The following AHRR variants were observed in gnomAD, a reference collection of about 807,000 sequenced individuals.
AHRR encodes aryl hydrocarbon receptor repressor, also known as ahR repressor.
A neutral mutation model predicts 44.0 loss-of-function variants in AHRR; 28 were observed. The ratio of observed to expected loss-of-function variants is 0.64; its 90% CI spans 0.47 to 0.87. The LOEUF (loss-of-function observed/expected upper bound fraction) is 0.87. Ranked by LOEUF, AHRR falls within the 40% of genes least tolerant of loss-of-function variation. The pLI, the probability that AHRR is intolerant of heterozygous loss-of-function variation, is 0.00. For missense variants in AHRR, 990 were observed against 953.9 expected (o/e 1.04, Z -0.50); for synonymous variants, 434 against 407.0 (o/e 1.07, Z -0.80).
chr5:393,199 G>A (rs949738858), intron 4 of AHRR, among the ~76,000 whole-genome samples: 1 of 152,198 alleles, frequency 6.6e-6, no homozygotes, highest in Non-Finnish European at 1.5e-5. Flanking sequence ...CTGCGGTGAT[G>A]TTCCCCCAGC....
chr5:397,374 G>A (rs1477339338), intron 4 of AHRR, among the ~76,000 whole-genome samples: 73 of 115,312 alleles, frequency 6.3e-4, no homozygotes, highest in African/African-American at 1.8e-3. Flanking sequence ...GACCATCCAC[G>A]TAGCCCCTGA....
In AHRR at chr5:432,852, T is replaced by A; in HGVS notation, c.1017T>A (p.Thr339=). 1 of 1,613,746 alleles carries A rather than the reference T, an allele frequency of 6.2e-7. No homozygotes were observed. The highest frequency in any genetic ancestry group is 8.5e-7 in the Non-Finnish European group (1 of 1,180,004). The change falls in exon 10 of 11, where the codon ACT becomes ACA. Residue 339 remains threonine (T), a synonymous_variant. Transcript: ENST00000684583. ...GCGTTTTGGTGCTCAGGGAACAGACTGACGCTGGCCGATGGGCACAGGTTC... is the reference window on the plus strand; with the variant it reads ...GCGTTTTGGTGCTCAGGGAACAGACAGACGCTGGCCGATGGGCACAGGTTC... ...ESGVLVLREQ[T]DAGRWAQVPA... is the part of the protein sequence containing the mutation.
Position 434,301 on chromosome 5 carries a change from G to A in AHRR, c.1561G>A (p.Asp521Asn), listed in dbSNP as rs1336908477. The part of the protein sequence containing the change: ...KLQGVPMPPG[D>N]LCGPTLLLDV... ...GCAAGGTGTACCGATGCCTCCGGGG[G>A]ACCTGTGTGGTCCGACGCTGCTGCT... The change falls in exon 11 of 11, where the codon GAC becomes AAC. Residue 521 changes from aspartate (D) to asparagine (N), a missense_variant. Transcript: ENST00000684583. 1.2e-6 allele frequency: 2 copies of A among 1,609,956 alleles called. No homozygotes were observed. Among genetic ancestry groups the A allele is most frequent in the South Asian group, 1.1e-5 (1 of 90,534 alleles).
At chr5:365,263 T>C (rs1242301295) in intron 3 of AHRR, among the ~76,000 whole-genome samples, 1 of 152,140 alleles carries the variant, frequency 6.6e-6, no homozygotes, top group Non-Finnish European at 1.5e-5. Flanking sequence ...ATAAAGCAAG[T>C]CTCAGTAAAT....
At chr5:398,342 A>G (rs1052254274) in intron 4 of AHRR, among the ~76,000 whole-genome samples, 1 of 150,954 alleles carries the variant, frequency 6.6e-6, no homozygotes, top group South Asian at 2.1e-4. Context: ...GTTAGCCCCA[A>G]CCGTACACCT....
rs1360607649 is a variant in AHRR at position 423,826 on chromosome 5, C to G, written c.572-15C>G. On this transcript the variant is annotated splice_polypyrimidine_tract_variant and intron_variant, in intron 6 of 10. Transcript: ENST00000684583. ...TTCTCCCACCGCCACGCCCCTTGGC[C>G]CCTATGGTCTGCAGGAGATGATGCT... 3 of 1,591,038 alleles carry G rather than the reference C, an allele frequency of 1.9e-6. No homozygotes were observed. Among genetic ancestry groups the G allele is most frequent in the Non-Finnish European group, 2.6e-6 (3 of 1,171,316 alleles).
Position 434,966 on chromosome 5 carries a change from C to G in AHRR, c.*132C>G. On this transcript the variant is annotated 3_prime_UTR_variant, in exon 11 of 11. Coordinates refer to ENST00000684583, the MANE Select transcript of AHRR (RefSeq NM_001377236.1). ...CTTTGCAGAGCTGTGCATGCGCAGT[C>G]TGCTAGTGTGTGTGTGCAGCATACG... 7.8e-7 allele frequency: 1 copy of G among 1,278,438 alleles called. No homozygotes were observed. The highest frequency in any genetic ancestry group is 1.0e-6 in the Non-Finnish European group (1 of 953,312). 79.2% of individuals were successfully genotyped at this position (1,278,438 alleles called of 1,614,324 possible). A position where few individuals can be genotyped will look rare whatever the true frequency, so the allele number is the denominator to read the frequency against.
At chr5:392,291 C>T (rs1157103681) in intron 4 of AHRR, among the ~76,000 whole-genome samples, 3 of 82,952 alleles carry the variant, frequency 3.6e-5, no homozygotes, top group South Asian at 4.9e-4. Flanking sequence ...GCGAGGAGGG[C>T]GCAGGGCGAG....
At chr5:352,810 C>CAGCCGTAGGGGACGGTCACTG (rs1742903266) in intron 2 of AHRR, among the ~76,000 whole-genome samples, 1 of 143,752 alleles carries the variant, frequency 7.0e-6, no homozygotes, top group Non-Finnish European at 1.5e-5. Flanking sequence ...GATGGTCACT[C>CAGCCGTAGGGGACGGTCACTG]TGAGGTTAAA....
At chr5:385,182 T>C (rs1190855652) in intron 4 of AHRR, among the ~76,000 whole-genome samples, 1 of 152,012 alleles carries the variant, frequency 6.6e-6, no homozygotes, top group East Asian at 1.9e-4. Flanking sequence ...TATCGTTTTT[T>C]TTTTTCTTTT....
rs1459638285 is a variant in AHRR, at chr5:342,902, C to G, written c.-10-991C>G. Among the ~76,000 whole-genome samples the G allele has an allele frequency of 2.6e-5, 4 of 152,216 alleles. No individual in the cohort carries two copies. The highest frequency in any genetic ancestry group is 2.6e-4 in the Admixed American group (4 of 15,284). ...GGGAGGCACATGCCTGTGTCCAGCA[C>G]TGTTGGTGGCAGCTGGTGGGTGTAG... On this transcript the variant is annotated intron_variant, in intron 1 of 10. Coordinates refer to ENST00000684583, the MANE Select transcript of AHRR (RefSeq NM_001377236.1). The surrounding 1 kb of genome is among the most constrained non-coding windows in gnomAD (Gnocchi z 4.3).
chr5:362,057 T>C (rs912517091), intron 3 of AHRR, among the ~76,000 whole-genome samples: 8 of 152,230 alleles, frequency 5.3e-5, no homozygotes, highest in Non-Finnish European at 8.8e-5. Context: ...TGGCTGTATT[T>C]GGAGAAGGGG....
At chr5:401,747 A>G (rs1735023277) in intron 4 of AHRR, among the ~76,000 whole-genome samples, 1 of 152,214 alleles carries the variant, frequency 6.6e-6, no homozygotes, top group African/African-American at 2.4e-5. Context: ...GGGATTGCAG[A>G]GAAGAGCAAA....
chr5:362,945 G>A (rs1186225484), intron 3 of AHRR, among the ~76,000 whole-genome samples: 1 of 152,236 alleles, frequency 6.6e-6, no homozygotes, highest in African/African-American at 2.4e-5. Flanking sequence ...TCTGTGCCTG[G>A]AAGAAACTGG....
intron 7 of AHRR, chr5:427,507 C>A: frequency 2.7e-6 from 3 of 1,128,434 alleles, no homozygotes; most frequent in Admixed American, 2.0e-5. Flanking sequence ...GCCACCTGCG[C>A]ATGGGGTGGC....
intron 4 of AHRR, among the ~76,000 whole-genome samples, chr5:379,625 C>T (rs558705447): frequency 2.0e-5 from 3 of 152,236 alleles, no homozygotes; most frequent in Non-Finnish European, 2.9e-5. Context: ...TATTTGCATC[C>T]GTGTGTCATC....
At position 437,307 on chromosome 5, in the gene AHRR, CT is replaced by C. The variant is rs1382930217; in HGVS notation, c.*2474del. ...ACGTCCTGTGTCCTGGAGCTTAGCC[CT>C]CAGCAGCTCCCTTCAGCCTGGGCGC... On this transcript the variant is annotated 3_prime_UTR_variant, in exon 11 of 11. Transcript: ENST00000684583. 1 of 152,386 alleles carries C rather than the reference CT, an allele frequency of 6.6e-6. No homozygotes were observed. Among genetic ancestry groups the C allele is most frequent in the Non-Finnish European group, 1.5e-5 (1 of 68,066 alleles). 9.4% of individuals were successfully genotyped at this position (152,386 alleles called of 1,614,324 possible). A position where few individuals can be genotyped will look rare whatever the true frequency, so the allele number is the denominator to read the frequency against.
At chr5:344,127 CTCCCCGCAGCGCCCCGG>C (rs1325530158) in intron 2 of AHRR, among the ~76,000 whole-genome samples, 163 bp downstream of exon 2, 1 of 151,324 alleles carries the variant, frequency 6.6e-6, no homozygotes, top group Non-Finnish European at 1.5e-5. Flanking sequence ...CAGGAGTCGT[CTCCCCGCAGCGCCCCGG>C]TGCCCGGAGC....
chr5:426,750 G>A (rs115211757), intron 7 of AHRR, among the ~76,000 whole-genome samples: 353 of 150,124 alleles, frequency 2.4e-3, no homozygotes, highest in Non-Finnish European at 4.1e-3. Context: ...TGGATGGATG[G>A]GAAGATGATG....
Sources: allele counts gnomAD v4.1 joint callset (sites outside exome capture counted in the v4.1 genomes callset), GRCh38; gene constraint gnomAD v4.1.1; non-coding constraint Gnocchi (gnomAD v3.1); transcripts MANE v1.5; gene names NCBI Gene and HGNC (gene_info 2026-07-23, HGNC 2026-07-21).